Variants in POFUT2 observed in about 807,000 individuals in gnomAD.
The protein encoded by POFUT2 is GDP-fucose protein O-fucosyltransferase 2.
POFUT2 carries 30 observed loss-of-function variants against 55.0 expected under a neutral mutation model. The observed-to-expected ratio is 0.55, with a 90% CI of 0.41 to 0.74. POFUT2 has a LOEUF of 0.74. Ranked by LOEUF, POFUT2 falls within the 30% of genes least tolerant of loss-of-function variation. The probability of loss-of-function intolerance (pLI) is 0.00; values close to 1 mark genes in which losing one functional copy is unlikely to be tolerated. For missense variants in POFUT2, 524 were observed against 562.6 expected, an observed-to-expected ratio of 0.93 and a Z score of 0.69; for synonymous variants, 267 against 231.1, an observed-to-expected ratio of 1.16 and a Z score of -1.41.
In POFUT2 at chr21:45,270,809, T is replaced by C. The variant is rs1383907900; in HGVS notation, c.832-790A>G. Among the ~76,000 whole-genome samples the C allele has an allele frequency of 6.6e-6, 1 of 152,174 alleles. No individual in the cohort carries two copies. Among genetic ancestry groups the C allele is most frequent in the Non-Finnish European group, 1.5e-5 (1 of 68,034 alleles). On this transcript the variant is annotated intron_variant, in intron 6 of 8. Coordinates refer to ENST00000349485, the MANE Select transcript of POFUT2 (RefSeq NM_133635.6). The surrounding 1 kb of genome is among the most constrained non-coding windows in gnomAD (Gnocchi z 4.6). Reference sequence around the variant, plus strand: ...GACCCAGAAGAGCAATAACAATCACTGCAGCCCAGCTCTCAGGGAGCCCCA... The same window carrying C: ...GACCCAGAAGAGCAATAACAATCACCGCAGCCCAGCTCTCAGGGAGCCCCA...
chr21:45,268,552 G>A (rs1466904278), intron 7 of POFUT2, among the ~76,000 whole-genome samples: 10 of 151,262 alleles, frequency 6.6e-5, no homozygotes, highest in East Asian at 1.9e-4. Context: ...ACCTCTTTCC[G>A]GCCGCCATCA....
intron 8 of POFUT2, chr21:45,266,258 T>C (rs1237875728): frequency 2.2e-6 from 3 of 1,367,422 alleles, no homozygotes; most frequent in African/African-American, 3.0e-5. Flanking sequence ...CAGAGATGTT[T>C]CCAGAGCAAA....
rs1321211857 is a variant in POFUT2, at chr21:45,285,936, G to A, written c.132-8C>T. ...ACGTCATACAGAAGATACCTGAGCA[G>A]GGAGAAGGAGGACCACAGGTCTCAA... On this transcript the variant is annotated splice_region_variant and splice_polypyrimidine_tract_variant and intron_variant, in intron 1 of 8. Transcript: ENST00000349485. The surrounding 1 kb of genome is among the most constrained non-coding windows in gnomAD (Gnocchi z 4.9). 6.3e-7 allele frequency: 1 copy of A among 1,592,978 alleles called. No homozygotes were observed.
Position 45,283,221 on chromosome 21 carries a change from A to C in POFUT2, c.527+162T>G, listed in dbSNP as rs1419302770. On this transcript the variant is annotated intron_variant, in intron 3 of 8. Coordinates refer to ENST00000349485, the MANE Select transcript of POFUT2 (RefSeq NM_133635.6). ...CGGCCGGGGGGAGTGGGGGGTGAAGACACCGTGGCGGGGGGAGGCGGGGTG... is the reference window on the plus strand; with the variant it reads ...CGGCCGGGGGGAGTGGGGGGTGAAGCCACCGTGGCGGGGGGAGGCGGGGTG... The C allele has an allele frequency of 7.4e-6, 3 of 407,398 alleles. No homozygotes were observed. In the East Asian group the frequency reaches 1.5e-4, roughly 21 times the overall value. The allele number at this position is 407,398 out of a possible 1,614,324, so 25.2% of individuals were successfully genotyped here. A position where few individuals can be genotyped will look rare whatever the true frequency, so the allele number is the denominator to read the frequency against.
In POFUT2 at chr21:45,283,372, T is replaced by TG. The variant is rs1412132628; in HGVS notation, c.527+10_527+11insC. ...GGCACCTGCGGCAGGGGGAGCAGCC[T>TG]CAGCAGGCACCTGTAGTACTCGTGC... On this transcript the variant is annotated intron_variant, in intron 3 of 8. Transcript: ENST00000349485. 1.3e-6 allele frequency: 2 copies of TG among 1,550,054 alleles called. No homozygotes were observed. The highest frequency in any genetic ancestry group is 2.3e-5 in the South Asian group (2 of 88,400).
Position 45,287,777 on chromosome 21 carries a change from G to A in POFUT2, c.95C>T (p.Ala32Val). ...SGQEFWPGQS[A>V]ADILSGAASR... ...AGCCGCCCCCGACAGAATATCGGCC[G>A]CCGATTGTCCGGGCCAGAACTCCTG... Residue 32 changes from alanine (A) to valine (V), a missense_variant, in exon 1 of 9, where the codon GCG (alanine) becomes GTG (valine). This residue lies in a region of POFUT2 where 274 missense variants were observed against 244.4 expected (regional missense o/e 1.12). Coordinates refer to ENST00000349485, the MANE Select transcript of POFUT2 (RefSeq NM_133635.6). 2 of 1,502,836 alleles carry A rather than the reference G, an allele frequency of 1.3e-6. No homozygotes were observed. The highest frequency in any genetic ancestry group is 1.5e-5 in the African/African-American group (1 of 68,820). 93.1% of individuals were successfully genotyped at this position (1,502,836 alleles called of 1,614,324 possible). A position where few individuals can be genotyped will look rare whatever the true frequency, so the allele number is the denominator to read the frequency against.
rs1178187493 is a variant in POFUT2, at chr21:45,270,665, C to A, written c.832-646G>T. Among the ~76,000 whole-genome samples the A allele has an allele frequency of 6.6e-6, 1 of 152,226 alleles. No homozygotes were observed. ...AGTCCACTTCACTCCCCCGCCACCTCCAGCAGAGCAGGTGCTGGAACCCAT... is the reference window on the plus strand; with the variant it reads ...AGTCCACTTCACTCCCCCGCCACCTACAGCAGAGCAGGTGCTGGAACCCAT... On this transcript the variant is annotated intron_variant, in intron 6 of 8. Transcript: ENST00000349485. The surrounding 1 kb of genome is among the most constrained non-coding windows in gnomAD (Gnocchi z 4.6).
chr21:45,268,976 G>A (rs370713036), intron 7 of POFUT2, among the ~76,000 whole-genome samples: 1 of 101,290 alleles, frequency 9.9e-6, no homozygotes. Flanking sequence ...CTGCCCGGCC[G>A]CCCCTACTGG....
At chr21:45,272,375 G>A (rs1290745677) in intron 6 of POFUT2, among the ~76,000 whole-genome samples, 1 of 152,176 alleles carries the variant, frequency 6.6e-6, no homozygotes, top group Non-Finnish European at 1.5e-5. Flanking sequence ...AATTATACAT[G>A]CACCTAACAC....
At chr21:45,283,325 A>ATGCGGCAGGGGGGGGTGGGGGGGCACC in intron 3 of POFUT2, 58 bp downstream of exon 3, 1 of 673,934 alleles carries the variant, frequency 1.5e-6, no homozygotes, top group South Asian at 2.0e-5. Flanking sequence ...GGGGGGACGC[A>ATGCGGCAGGGGGGGGTGGGGGGGCACC]TGCGGCAGGG....
At chr21:45,273,628 G>A (rs2093238198) in intron 6 of POFUT2, among the ~76,000 whole-genome samples, 1 of 152,142 alleles carries the variant, frequency 6.6e-6, no homozygotes, top group African/African-American at 2.4e-5. Context: ...GATCAAATGG[G>A]TATCATACCA....
Position 45,265,550 on chromosome 21 carries a change from A to G in POFUT2, c.1222T>C (p.Tyr408His). The change falls in exon 9 of 9, where the codon TAC becomes CAC. Residue 408 changes from tyrosine to histidine, a missense_variant. Physicochemically the swap from Tyr to His is moderately conservative, Grantham distance 83. Transcript: ENST00000349485. The surrounding 1 kb of genome is among the most constrained non-coding windows in gnomAD (Gnocchi z 4.6). ...EILGLDPKTT[Y>H]NRFCGDQEKA... Reference sequence around the variant, plus strand: ...TCTTGGTCTCCGCAGAACCTGTTGTACGTCGTCTTGGGGTCCAACCCCAGG... The same window carrying G: ...TCTTGGTCTCCGCAGAACCTGTTGTGCGTCGTCTTGGGGTCCAACCCCAGG... 6.2e-7 allele frequency: 1 copy of G among 1,614,070 alleles called. No individual in the cohort carries two copies. Among genetic ancestry groups the G allele is most frequent in the Non-Finnish European group, 8.5e-7 (1 of 1,179,998 alleles).
At chr21:45,283,694 G>A (rs1195314595) in intron 2 of POFUT2, among the ~76,000 whole-genome samples, 167 bp from the exon 3 acceptor site, 2 of 152,196 alleles carry the variant, frequency 1.3e-5, no homozygotes, top group Non-Finnish European at 2.9e-5. Flanking sequence ...CATGCCATGA[G>A]GGCACAGGGC....
Position 45,267,694 on chromosome 21 carries a change from C to T in POFUT2, c.1032G>A (p.Lys344=). 1 of 1,614,100 alleles carries T rather than the reference C, an allele frequency of 6.2e-7. No homozygotes were observed. The highest frequency in any genetic ancestry group is 1.1e-5 in the South Asian group (1 of 91,082). ...CAAACCTCACCATCTCGGGTAACAG[C>T]TTTTTTAGCTCTTCATATTCTGCAA... ...AVRKEYEELK[K]LLPEMVRFEP... Residue 344 remains lysine, a synonymous_variant, in exon 8 of 9, where the codon AAG becomes AAA. Transcript: ENST00000349485. This position sits in a 1 kb window ranked among gnomAD's most constrained non-coding sequence, Gnocchi z 4.4.
chr21:45,276,394 A>G (rs1270197670), intron 6 of POFUT2, among the ~76,000 whole-genome samples: 1 of 152,194 alleles, frequency 6.6e-6, no homozygotes, highest in Non-Finnish European at 1.5e-5. Context: ...AATACCCCAT[A>G]AAGAACAAGC....
Position 45,270,986 on chromosome 21 carries a change from T to C in POFUT2, c.832-967A>G, listed in dbSNP as rs1483968561. Among the ~76,000 whole-genome samples, 1 of 152,014 alleles carries C rather than the reference T, an allele frequency of 6.6e-6. No homozygotes were observed. Among genetic ancestry groups the C allele is most frequent in the Non-Finnish European group, 1.5e-5 (1 of 67,994 alleles). On this transcript the variant is annotated intron_variant, in intron 6 of 8. Transcript: ENST00000349485. This position sits in a 1 kb window ranked among gnomAD's most constrained non-coding sequence, Gnocchi z 4.6. ...ATTGTGATAATATGACAAAACAAGG[T>C]TCTATAGTACCCCCAAAAGATCATA...
rs1219712254 is a variant in POFUT2, at chr21:45,265,203, C to T, written c.*279G>A. The T allele has an allele frequency of 2.1e-5, 7 of 334,712 alleles. No homozygotes were observed. The highest frequency in any genetic ancestry group is 3.3e-5 in the Non-Finnish European group (6 of 183,604). The allele number at this position is 334,712 out of a possible 1,614,324, so 20.7% of individuals were successfully genotyped here. ...ACACTCCTGCTTCTGGGTCACCACG[C>T]GGGCACTGCTGGCAACCGAGCTGTG... On this transcript the variant is annotated 3_prime_UTR_variant, in exon 9 of 9. Transcript: ENST00000349485. The surrounding 1 kb of genome is among the most constrained non-coding windows in gnomAD (Gnocchi z 4.6).
Position 45,265,377 on chromosome 21 carries a change from C to T in POFUT2, c.*105G>A. 1 of 1,070,780 alleles carries T rather than the reference C, an allele frequency of 9.3e-7. No individual in the cohort carries two copies. The highest frequency in any genetic ancestry group is 1.4e-6 in the Non-Finnish European group (1 of 734,600). 66.3% of individuals were successfully genotyped at this position (1,070,780 alleles called of 1,614,324 possible). A position where few individuals can be genotyped will look rare whatever the true frequency, so the allele number is the denominator to read the frequency against. ...GCCTGGGACCCTGCGAGGGACGGTCCTGTCCGCCCAGCTCCCGGCTGGCAG... is the reference window on the plus strand; with the variant it reads ...GCCTGGGACCCTGCGAGGGACGGTCTTGTCCGCCCAGCTCCCGGCTGGCAG... On this transcript the variant is annotated 3_prime_UTR_variant, in exon 9 of 9. Transcript: ENST00000349485. This position sits in a 1 kb window ranked among gnomAD's most constrained non-coding sequence, Gnocchi z 4.6.
At chr21:45,287,199 C>T (rs1362169998) in intron 1 of POFUT2, among the ~76,000 whole-genome samples, 1 of 134,046 alleles carries the variant, frequency 7.5e-6, no homozygotes, top group African/African-American at 3.0e-5. Context: ...CGGCCCCGGC[C>T]CCTGCCCCTG....
Sources: gnomAD v4.1 joint callset for allele counts (sites outside exome capture counted in the v4.1 genomes callset) on GRCh38, gnomAD v4.1.1 for gene constraint, gnomAD v4.1.1 regional missense constraint, Gnocchi (gnomAD v3.1) non-coding constraint, MANE v1.5 for transcripts, NCBI Gene and HGNC (gene_info 2026-07-23, HGNC 2026-07-21) for gene names.